WDR49: variants seen among roughly 807,000 people sequenced by gnomAD.
The protein encoded by WDR49 is WD repeat domain 49.
WDR49 carries 107 observed loss-of-function variants against 119.5 expected under a neutral mutation model. The observed-to-expected ratio is 0.90, with a 90% CI of 0.77 to 1.05. The LOEUF is 1.05. Ranked by LOEUF, WDR49 falls within the 50% of genes least tolerant of loss-of-function variation. WDR49 has a pLI of 0.00. For synonymous variants in WDR49, 425 were observed against 418.8 expected, an observed-to-expected ratio of 1.01 and a Z score of -0.18; for missense variants, 1,240 against 1,220.5, an observed-to-expected ratio of 1.02 and a Z score of -0.24.
At chr3:167,566,866 T>C in intron 8 of WDR49, 1 of 688,092 alleles carries the variant, frequency 1.5e-6, no homozygotes, top group Non-Finnish European at 2.7e-6. Context: ...ATAAGGGTCT[T>C]CATTCGTGTC....
chr3:167,518,133 T>C (rs1340842360), intron 16 of WDR49, among the ~76,000 whole-genome samples: 2 of 152,098 alleles, frequency 1.3e-5, no homozygotes, highest in African/African-American at 4.8e-5. Context: ...CAGTCTATCA[T>C]TGTTGGACAT....
Position 167,527,894 on chromosome 3 carries a change from T to A in WDR49, c.2530A>T (p.Ile844Phe). 6.2e-7 allele frequency: 1 copy of A among 1,613,140 alleles called. No individual in the cohort carries two copies. The highest frequency in any genetic ancestry group is 1.1e-5 in the South Asian group (1 of 91,024). Residue 844 changes from isoleucine to phenylalanine, a missense_variant, in exon 15 of 19, where the codon ATT (isoleucine) becomes TTT (phenylalanine). By Grantham distance (21) the Ile-to-Phe change is conservative. Coordinates refer to ENST00000682715, the MANE Select transcript of WDR49 (RefSeq NM_001366157.1). ...EMCEPGGQLL[I>F]ISSSADCSIC... ...CTGCAGTCTGCAGAGGAGGAGATAA[T>A]CAGTAACTGACCACCTGGCTCACAC... is the stretch of plus-strand genomic sequence containing the variant.
At chr3:167,510,146 A>G (rs1751911035) in intron 16 of WDR49, among the ~76,000 whole-genome samples, 2 of 152,194 alleles carry the variant, frequency 1.3e-5, no homozygotes, top group South Asian at 2.1e-4. Context: ...GCACTTTGGG[A>G]GGCCGAGGCG....
rs1199103841 is a variant in WDR49, at chr3:167,604,444, G to A, written c.983C>T (p.Ala328Val). 6.2e-7 allele frequency: 1 copy of A among 1,612,348 alleles called. No individual in the cohort carries two copies. The highest frequency in any genetic ancestry group is 1.1e-5 in the South Asian group (1 of 90,910). The change falls in exon 6 of 19, where the codon GCT (alanine) becomes GTT (valine). Residue 328 changes from alanine to valine, a missense_variant. Coordinates refer to ENST00000682715, the MANE Select transcript of WDR49 (RefSeq NM_001366157.1). Reference sequence around the variant, plus strand: ...ATTGCTGGTTGTACTGGAAATGATAGCGTCTAAAGATGCATTGTAAGTAAC... The same window carrying A: ...ATTGCTGGTTGTACTGGAAATGATAACGTCTAAAGATGCATTGTAAGTAAC... The part of the protein sequence containing the change: ...RQVTYNASLD[A>V]IISSTTSNTN...
intron 17 of WDR49, among the ~76,000 whole-genome samples, chr3:167,504,794 G>A (rs1203508819): frequency 6.6e-6 from 1 of 152,112 alleles, no homozygotes; most frequent in Non-Finnish European, 1.5e-5. Flanking sequence ...CTGGTGAGAG[G>A]TGTTCAGGTC....
At chr3:167,534,552 G>A (rs1478828737) in intron 11 of WDR49, among the ~76,000 whole-genome samples, 2 of 152,022 alleles carry the variant, frequency 1.3e-5, no homozygotes, top group Admixed American at 6.6e-5. Flanking sequence ...CTGAAAACAG[G>A]GGAACTTTAA....
Position 167,575,918 on chromosome 3 carries a change from C to A in WDR49, c.1509G>T (p.Gln503His). The A allele has an allele frequency of 6.2e-7, 1 of 1,613,588 alleles. No individual in the cohort carries two copies. The highest frequency in any genetic ancestry group is 8.5e-7 in the Non-Finnish European group (1 of 1,179,584). ...GTGAAAGAAAAGAAAGCATCATTACCTGCTTCAAGATAGAATTGTAAAGAA... is the reference window on the plus strand; with the variant it reads ...GTGAAAGAAAAGAAAGCATCATTACATGCTTCAAGATAGAATTGTAAAGAA... ...TCVLYNSILK[Q>H]VISSDTGSTV... The change falls in exon 8 of 19, where the codon CAG becomes CAT. Residue 503 changes from glutamine (Q) to histidine (H), a missense_variant and splice_region_variant. Physicochemically the swap from Gln to His is conservative, Grantham distance 24 (BLOSUM62 0). Transcript: ENST00000682715.
At chr3:167,644,502 T>A (rs566876156) in intron 2 of WDR49, among the ~76,000 whole-genome samples, 3 of 152,280 alleles carry the variant, frequency 2.0e-5, no homozygotes, top group African/African-American at 7.2e-5. Context: ...TCTTGGGCAA[T>A]CTTACATAAG....
At chr3:167,580,296 G>A (rs1714467193) in intron 7 of WDR49, among the ~76,000 whole-genome samples, 1 of 152,082 alleles carries the variant, frequency 6.6e-6, no homozygotes, top group Admixed American at 6.6e-5. Context: ...TGAGAATTAA[G>A]CAACAGCATT....
Position 167,531,118 on chromosome 3 carries a change from T to C in WDR49, c.2215A>G (p.Thr739Ala). 1 of 1,610,226 alleles carries C rather than the reference T, an allele frequency of 6.2e-7. No homozygotes were observed. The highest frequency in any genetic ancestry group is 8.5e-7 in the Non-Finnish European group (1 of 1,178,764). The change falls in exon 13 of 19, where the codon ACA becomes GCA. Residue 739 changes from threonine (T) to alanine (A), a missense_variant. Physicochemically the swap from Thr to Ala is moderately conservative, Grantham distance 58. Transcript: ENST00000682715. Reference sequence around the variant, plus strand: ...AAAATGTAAATATATATTTTACCTGTCACTGCAGTGTTTTTTCTTGCTTTA... The same window carrying C: ...AAAATGTAAATATATATTTTACCTGCCACTGCAGTGTTTTTTCTTGCTTTA... ...FLKARKNTAV[T>A]GGANLVSCGG...
At chr3:167,519,339 T>C (rs554201932) in intron 16 of WDR49, among the ~76,000 whole-genome samples, 18 of 152,276 alleles carry the variant, frequency 1.2e-4, no homozygotes, top group Non-Finnish European at 2.2e-4. Flanking sequence ...CAAGCACACA[T>C]ACGTTCATTA....
Position 167,576,063 on chromosome 3 carries a change from AAG to A in WDR49, c.1362_1363del (p.Phe455ProfsTer3), listed in dbSNP as rs749495141. Reference sequence around the variant, plus strand: ...TCGTCCATGGGCTTCATCAAAGTGGAAGAGACATCTGAAGTCCTGACTTTTGG... The same window carrying A: ...TCGTCCATGGGCTTCATCAAAGTGGAAGACATCTGAAGTCCTGACTTTTGG... On this transcript the variant is annotated frameshift_variant, in exon 8 of 19. Coordinates refer to ENST00000682715, the MANE Select transcript of WDR49 (RefSeq NM_001366157.1). LOFTEE classifies it high-confidence loss of function. 6.2e-7 allele frequency: 1 copy of A among 1,614,214 alleles called. No individual in the cohort carries two copies. The highest frequency in any genetic ancestry group is 8.5e-7 in the Non-Finnish European group (1 of 1,180,030).
At chr3:167,579,976 C>G (rs1198870843) in intron 7 of WDR49, among the ~76,000 whole-genome samples, 2 of 151,990 alleles carry the variant, frequency 1.3e-5, no homozygotes, top group African/African-American at 4.8e-5. Context: ...TACTGATGAA[C>G]TATAATTTCT....
At chr3:167,507,593 T>C (rs997486091) in intron 16 of WDR49, among the ~76,000 whole-genome samples, 2 of 152,106 alleles carry the variant, frequency 1.3e-5, no homozygotes, top group African/African-American at 4.8e-5. Context: ...CCCTTTAGAG[T>C]AGTTAACAAT....
At chr3:167,563,628 G>A (rs766193533) in intron 8 of WDR49, among the ~76,000 whole-genome samples, 15 of 151,966 alleles carry the variant, frequency 9.9e-5, no homozygotes, top group Non-Finnish European at 1.5e-4. Flanking sequence ...TTAAATTGAC[G>A]CATAATAACT....
chr3:167,637,167 G>C (rs1227155533), intron 2 of WDR49, among the ~76,000 whole-genome samples: 1 of 151,800 alleles, frequency 6.6e-6, no homozygotes, highest in Admixed American at 6.6e-5. Flanking sequence ...GTTGATTTTT[G>C]TATAAGGTGA....
chr3:167,578,971 A>G (rs890942772), intron 7 of WDR49, among the ~76,000 whole-genome samples: 46 of 152,070 alleles, frequency 3.0e-4, no homozygotes, highest in African/African-American at 1.1e-3. Context: ...TTTGAATCCT[A>G]ATTTCCCATG....
At chr3:167,554,201 T>G (rs1322686674) in intron 10 of WDR49, among the ~76,000 whole-genome samples, 1 of 152,134 alleles carries the variant, frequency 6.6e-6, no homozygotes, top group Non-Finnish European at 1.5e-5. Flanking sequence ...AGTAAGTGCC[T>G]TTCGAAAGAC....
chr3:167,603,787 G>GTA (rs1201490710), intron 6 of WDR49, among the ~76,000 whole-genome samples: 2 of 152,126 alleles, frequency 1.3e-5, no homozygotes, highest in East Asian at 3.9e-4. Flanking sequence ...CTCTCCTCTA[G>GTA]TAAACAAACC....
Sources: gnomAD v4.1 joint callset for allele counts (sites outside exome capture counted in the v4.1 genomes callset) on GRCh38, gnomAD v4.1.1 for gene constraint, MANE v1.5 for transcripts, NCBI Gene and HGNC (gene_info 2026-07-23, HGNC 2026-07-21) for gene names.